Variants in EFEMP1 observed in about 807,000 individuals in gnomAD.
EFEMP1 encodes the protein EGF-like fibulin extracellular matrix protein 1, also known as EGF-containing fibulin-like extracellular matrix protein 1.
A neutral mutation model predicts 65.7 loss-of-function variants in EFEMP1; 18 were observed. The observed-to-expected ratio is 0.27, with a 90% CI of 0.19 to 0.41. EFEMP1 has a LOEUF of 0.41. Ranked by LOEUF, EFEMP1 falls within the 10% of genes least tolerant of loss-of-function variation. The probability of loss-of-function intolerance (pLI) is 1.00; values close to 1 mark genes in which losing one functional copy is unlikely to be tolerated. For synonymous variants in EFEMP1, 237 were observed against 219.7 expected, an observed-to-expected ratio of 1.08 and a Z score of -0.70; for missense variants, 469 against 624.8, an observed-to-expected ratio of 0.75 and a Z score of 2.66.
chr2:55,911,423 G>A (rs1306185268), intron 5 of EFEMP1, among the ~76,000 whole-genome samples: 1 of 152,006 alleles, frequency 6.6e-6, no homozygotes, highest in Non-Finnish European at 1.5e-5. Flanking sequence ...TCTCAGACTT[G>A]AGTAGGCGTC....
intron 5 of EFEMP1, among the ~76,000 whole-genome samples, chr2:55,899,176 A>T (rs1215514524): frequency 6.6e-6 from 1 of 152,132 alleles, no homozygotes; most frequent in African/African-American, 2.4e-5. Context: ...CTTCTCCAGA[A>T]TTTTTCAGTA....
At position 55,871,809 on chromosome 2, in the gene EFEMP1, G is replaced by T. The variant is rs563400711; in HGVS notation, c.1001-686C>A. 3.9e-5 allele frequency among the ~76,000 whole-genome samples: 6 copies of T among 152,248 alleles called. No homozygotes were observed. The highest frequency in any genetic ancestry group is 1.4e-4 in the African/African-American group (6 of 41,564). On this transcript the variant is annotated intron_variant, in intron 9 of 11. Transcript: ENST00000355426. The surrounding 1 kb of genome is among the most constrained non-coding windows in gnomAD (Gnocchi z 4.2). Reference sequence around the variant, plus strand: ...GTCCAGAGGAAGCACAGCACAGGAAGTGAAACTATGAAGTGTTCCACCTCA... The same window carrying T: ...GTCCAGAGGAAGCACAGCACAGGAATTGAAACTATGAAGTGTTCCACCTCA...
At position 55,903,796 on chromosome 2, in the gene EFEMP1, T is replaced by C. The variant is rs569450341; in HGVS notation, c.517+13869A>G. On this transcript the variant is annotated intron_variant, in intron 5 of 11. Transcript: ENST00000355426. ...ACAAATATATATGCATGTATACATA[T>C]ATATGTATACATACATATATGAGTG... is the stretch of plus-strand genomic sequence containing the variant. Among the ~76,000 whole-genome samples, 59 of 152,318 alleles carry C rather than the reference T, an allele frequency of 3.9e-4. 1 individual carries two copies. Among genetic ancestry groups the C allele is most frequent in the African/African-American group, 1.3e-3 (56 of 41,558 alleles).
intron 5 of EFEMP1, among the ~76,000 whole-genome samples, chr2:55,904,102 A>G (rs185057573): frequency 6.6e-6 from 1 of 152,058 alleles, no homozygotes; most frequent in African/African-American, 2.4e-5. Flanking sequence ...CCTGGCCCCT[A>G]CCCTAGCAGG....
rs1207181880 is a variant in EFEMP1, at chr2:55,871,669, C to G, written c.1001-546G>C. Among the ~76,000 whole-genome samples the G allele has an allele frequency of 2.0e-5, 3 of 151,986 alleles. No homozygotes were observed. Among genetic ancestry groups the G allele is most frequent in the Non-Finnish European group, 2.9e-5 (2 of 67,998 alleles). On this transcript the variant is annotated intron_variant, in intron 9 of 11. Coordinates refer to ENST00000355426, the MANE Select transcript of EFEMP1 (RefSeq NM_001039348.3). The surrounding 1 kb of genome is among the most constrained non-coding windows in gnomAD (Gnocchi z 4.2). ...GGGAAGGCTTTCCAAGCTGAGAAATCAGGAAGCATAAACTATGGAGGGCAG... is the reference window on the plus strand; with the variant it reads ...GGGAAGGCTTTCCAAGCTGAGAAATGAGGAAGCATAAACTATGGAGGGCAG...
rs1669098174 is a variant in EFEMP1, at chr2:55,877,910, T to C, written c.641-45A>G. On this transcript the variant is annotated intron_variant, in intron 6 of 11. Transcript: ENST00000355426. The surrounding 1 kb of genome is among the most constrained non-coding windows in gnomAD (Gnocchi z 4.5). Reference sequence around the variant, plus strand: ...CACAAAGAGAACCAAATTATTGAATTAGCATTCTCTGAAAAGCATTATCTA... The same window carrying C: ...CACAAAGAGAACCAAATTATTGAATCAGCATTCTCTGAAAAGCATTATCTA... 6.2e-7 allele frequency: 1 copy of C among 1,608,240 alleles called. No homozygotes were observed. Among genetic ancestry groups the C allele is most frequent in the Non-Finnish European group, 8.5e-7 (1 of 1,175,720 alleles).
At chr2:55,918,119 C>G in intron 4 of EFEMP1, 68 bp from the exon 5 acceptor site, 1 of 1,613,018 alleles carries the variant, frequency 6.2e-7, no homozygotes, top group Non-Finnish European at 8.5e-7. Context: ...AAATATAATG[C>G]TCATGCCTTT....
rs962387163 is a variant in EFEMP1, at chr2:55,923,579, C to G, written c.-49+132G>C. On this transcript the variant is annotated intron_variant, in intron 1 of 11. Coordinates refer to ENST00000355426, the MANE Select transcript of EFEMP1 (RefSeq NM_001039348.3). This position sits in a 1 kb window ranked among gnomAD's most constrained non-coding sequence, Gnocchi z 5.3. ...GCACACCTCCACCTCCCTCTCTGCC[C>G]GAGACACCCTGCACAGTCCAGGGCA... 18 of 984,832 alleles carry G rather than the reference C, an allele frequency of 1.8e-5. No individual in the cohort carries two copies. Among genetic ancestry groups the G allele is most frequent in the Non-Finnish European group, 1.6e-5 (13 of 829,316 alleles). 61.0% of individuals were successfully genotyped at this position (984,832 alleles called of 1,614,324 possible).
chr2:55,878,867 A>C (rs1297928764), intron 6 of EFEMP1, among the ~76,000 whole-genome samples: 1 of 152,176 alleles, frequency 6.6e-6, no homozygotes, highest in African/African-American at 2.4e-5. Context: ...AATGTAGGCA[A>C]AGTTACTGGC....
At chr2:55,908,645 C>T (rs1000927750) in intron 5 of EFEMP1, among the ~76,000 whole-genome samples, 3 of 152,114 alleles carry the variant, frequency 2.0e-5, no homozygotes, top group African/African-American at 7.2e-5. Context: ...TTGATTTAAT[C>T]ATCCCATAGT....
In EFEMP1 at chr2:55,873,378, AT is replaced by A. The variant is rs573149999; in HGVS notation, c.1000+1567del. 2.5e-3 allele frequency among the ~76,000 whole-genome samples: 387 copies of A among 152,128 alleles called. 1 individual carries two copies. Among genetic ancestry groups the A allele is most frequent in the South Asian group, 4.4e-3 (21 of 4,814 alleles). On this transcript the variant is annotated intron_variant, in intron 9 of 11. Coordinates refer to ENST00000355426, the MANE Select transcript of EFEMP1 (RefSeq NM_001039348.3). This position sits in a 1 kb window ranked among gnomAD's most constrained non-coding sequence, Gnocchi z 4.6. ...AATCCCCCACTTACAATTTTGGTGCATTTTCCACCTTTAATTACAATAGATA... is the reference window on the plus strand; with the variant it reads ...AATCCCCCACTTACAATTTTGGTGCATTTCCACCTTTAATTACAATAGATA...
At chr2:55,916,390 G>A (rs144987932) in intron 5 of EFEMP1, among the ~76,000 whole-genome samples, 110 of 152,332 alleles carry the variant, frequency 7.2e-4, no homozygotes, top group African/African-American at 2.5e-3. Context: ...GATTACAGGC[G>A]TGAGCCACCG....
Position 55,894,592 on chromosome 2 carries a change from T to C in EFEMP1, c.518-12858A>G, listed in dbSNP as rs139956030. 2.5e-3 allele frequency among the ~76,000 whole-genome samples: 387 copies of C among 152,236 alleles called. 3 individuals are homozygous for C. Among genetic ancestry groups the C allele is most frequent in the African/African-American group, 9.1e-3 (378 of 41,536 alleles). ...CATTCAGTCATATCAGATAGGAGAG[T>C]TTAATTTTGGGCCAATATTTGTTTT... is the stretch of plus-strand genomic sequence containing the variant. On this transcript the variant is annotated intron_variant, in intron 5 of 11. Coordinates refer to ENST00000355426, the MANE Select transcript of EFEMP1 (RefSeq NM_001039348.3).
chr2:55,891,124 T>C (rs183820620), intron 5 of EFEMP1, among the ~76,000 whole-genome samples: 5 of 152,200 alleles, frequency 3.3e-5, no homozygotes, highest in Non-Finnish European at 5.9e-5. Context: ...ATCTTGACCA[T>C]GTATTTCCAA....
rs1668616707 is a variant in EFEMP1, at chr2:55,867,334, T to G, written c.1321-100A>C. On this transcript the variant is annotated intron_variant, in intron 11 of 11. Coordinates refer to ENST00000355426, the MANE Select transcript of EFEMP1 (RefSeq NM_001039348.3). The surrounding 1 kb of genome is among the most constrained non-coding windows in gnomAD (Gnocchi z 4.3). ...CTCCTATAAGAATTAGGGGGAGAAT[T>G]TTGAAGGTGGTATAAAAGAGCCACT... The G allele has an allele frequency of 7.3e-7, 1 of 1,364,890 alleles. No individual in the cohort carries two copies. The highest frequency in any genetic ancestry group is 1.5e-5 in the African/African-American group (1 of 68,826). The allele number at this position is 1,364,890 out of a possible 1,614,324, so 84.5% of individuals were successfully genotyped here. A position where few individuals can be genotyped will look rare whatever the true frequency, so the allele number is the denominator to read the frequency against.
intron 8 of EFEMP1, 37 bp downstream of exon 8, chr2:55,876,586 T>C (rs781443100): frequency 1.4e-5 from 22 of 1,607,390 alleles, no homozygotes; most frequent in Non-Finnish European, 1.8e-5. Flanking sequence ...GTCACAGGAA[T>C]TGGACTTTAT....
rs1283645047 is a variant in EFEMP1 at position 55,922,873 on chromosome 2, C to T, written c.-8+26G>A. ...GGCTGCAAAACTCTGTTCTCTAGAA[C>T]GTTAAGGCTTTCCCAGTATACTCAC... On this transcript the variant is annotated intron_variant, in intron 2 of 11. Transcript: ENST00000355426. This position sits in a 1 kb window ranked among gnomAD's most constrained non-coding sequence, Gnocchi z 5.5. The T allele has an allele frequency of 3.5e-6, 4 of 1,143,352 alleles. No homozygotes were observed. The African/African-American group carries it at 6.4e-5, about 18-fold the overall frequency. 70.8% of individuals were successfully genotyped at this position (1,143,352 alleles called of 1,614,324 possible).
At chr2:55,880,378 A>C (rs1669195509) in intron 6 of EFEMP1, among the ~76,000 whole-genome samples, 2 of 152,170 alleles carry the variant, frequency 1.3e-5, no homozygotes, top group South Asian at 4.1e-4. Flanking sequence ...TGTACTTTTT[A>C]TGCCCTCAAA....
At chr2:55,902,615 A>C (rs868812996) in intron 5 of EFEMP1, among the ~76,000 whole-genome samples, 1 of 152,372 alleles carries the variant, frequency 6.6e-6, no homozygotes, top group Middle Eastern at 3.4e-3. Context: ...GACTGCAGTG[A>C]TCTAGCTTTT....
Sources: gnomAD v4.1 joint callset for allele counts (sites outside exome capture counted in the v4.1 genomes callset) on GRCh38, gnomAD v4.1.1 for gene constraint, Gnocchi (gnomAD v3.1) non-coding constraint, MANE v1.5 for transcripts, NCBI Gene and HGNC (gene_info 2026-07-23, HGNC 2026-07-21) for gene names.